The following SLC35F1 variants were observed in gnomAD, a reference collection of about 807,000 sequenced individuals.
SLC35F1 encodes the protein solute carrier family 35 member F1, also known as chromosome 6 open reading frame 169.
Under a neutral mutation model 48.7 loss-of-function variants are expected in SLC35F1, and 14 were observed. That is an observed-to-expected ratio of 0.29 (90% CI 0.19 to 0.45). SLC35F1 has a LOEUF of 0.45. SLC35F1 is among the 20% of genes least tolerant of loss of function. The probability of loss-of-function intolerance (pLI) is 1.00; values close to 1 mark genes in which losing one functional copy is unlikely to be tolerated. For synonymous variants in SLC35F1, 190 were observed against 202.2 expected (o/e 0.94, Z 0.51); for missense variants, 404 against 500.0 (o/e 0.81, Z 1.83).
intron 1 of SLC35F1, among the ~76,000 whole-genome samples, chr6:118,062,482 C>T (rs932637192): frequency 6.6e-6 from 1 of 152,086 alleles, no homozygotes; most frequent in African/African-American, 2.4e-5. Context: ...ATATCCACCC[C>T]CTCAAGCATT....
chr6:118,134,311 T>C (rs1773760767), intron 1 of SLC35F1, among the ~76,000 whole-genome samples: 1 of 152,112 alleles, frequency 6.6e-6, no homozygotes, highest in Non-Finnish European at 1.5e-5. Flanking sequence ...AGTCCATTTA[T>C]CTCATTGCTT....
chr6:118,215,009 A>G (rs1775053668), intron 2 of SLC35F1, among the ~76,000 whole-genome samples: 1 of 152,278 alleles, frequency 6.6e-6, no homozygotes, highest in East Asian at 1.9e-4. Context: ...TCCGTGTCCC[A>G]AGACATTTCT....
intron 7 of SLC35F1, among the ~76,000 whole-genome samples, chr6:118,302,884 A>G (rs540918348): frequency 6.6e-6 from 1 of 152,038 alleles, no homozygotes; most frequent in East Asian, 1.9e-4. Context: ...CCCAGTGCCC[A>G]TACTTCTCCA....
At chr6:118,023,699 G>A (rs1486850906) in intron 1 of SLC35F1, among the ~76,000 whole-genome samples, 2 of 152,042 alleles carry the variant, frequency 1.3e-5, no homozygotes, top group Non-Finnish European at 2.9e-5. Context: ...AGTTGGGTGA[G>A]TTCCCAAGCC....
At chr6:118,290,048 C>T (rs566202546) in intron 7 of SLC35F1, among the ~76,000 whole-genome samples, 1 of 152,258 alleles carries the variant, frequency 6.6e-6, no homozygotes, top group South Asian at 2.1e-4. Context: ...GGCATCCACC[C>T]AGTAGTGAGA....
chr6:118,095,803 A>C (rs1015998327), intron 1 of SLC35F1, among the ~76,000 whole-genome samples: 2 of 152,194 alleles, frequency 1.3e-5, no homozygotes, highest in African/African-American at 4.8e-5. Context: ...GAAAGAAGCA[A>C]CTAGGGAAGA....
chr6:118,218,599 G>A (rs1775105303), intron 2 of SLC35F1, among the ~76,000 whole-genome samples: 1 of 152,230 alleles, frequency 6.6e-6, no homozygotes, highest in East Asian at 1.9e-4. Flanking sequence ...ACTCCTAATT[G>A]GTAATCCAAA....
chr6:117,962,076 C>T (rs1438972877), intron 1 of SLC35F1, among the ~76,000 whole-genome samples: 2 of 152,178 alleles, frequency 1.3e-5, no homozygotes, highest in Admixed American at 6.5e-5. Flanking sequence ...TTTAGTAACT[C>T]TTGTATTATC....
At chr6:118,074,521 A>G (rs1466532007) in intron 1 of SLC35F1, among the ~76,000 whole-genome samples, 1 of 152,158 alleles carries the variant, frequency 6.6e-6, no homozygotes, top group Non-Finnish European at 1.5e-5. Context: ...TTCATTGATG[A>G]TGCGGTTGTA....
chr6:117,950,911 G>A (rs1216595899), intron 1 of SLC35F1, among the ~76,000 whole-genome samples: 2 of 152,068 alleles, frequency 1.3e-5, no homozygotes, highest in African/African-American at 4.8e-5. Context: ...TCATTTCTAA[G>A]AAATGGAAAT....
intron 1 of SLC35F1, among the ~76,000 whole-genome samples, chr6:118,092,498 G>A (rs1393304298): frequency 1.3e-5 from 2 of 152,240 alleles, no homozygotes; most frequent in Non-Finnish European, 2.9e-5. Flanking sequence ...CCCACACAGA[G>A]TCCCCACTGG....
At chr6:117,994,665 T>C (rs952671423) in intron 1 of SLC35F1, among the ~76,000 whole-genome samples, 2 of 152,242 alleles carry the variant, frequency 1.3e-5, no homozygotes, top group South Asian at 4.1e-4. Flanking sequence ...GAATTCAGTC[T>C]GTCTCCAAAG....
intron 3 of SLC35F1, among the ~76,000 whole-genome samples, chr6:118,254,194 G>A (rs547068207): frequency 1.3e-5 from 2 of 152,042 alleles, no homozygotes; most frequent in Non-Finnish European, 2.9e-5. Flanking sequence ...TATTCACGCC[G>A]GTATCCTCTG....
At chr6:117,986,583 C>A (rs1157822709) in intron 1 of SLC35F1, among the ~76,000 whole-genome samples, 1 of 152,200 alleles carries the variant, frequency 6.6e-6, no homozygotes, top group Non-Finnish European at 1.5e-5. Flanking sequence ...AAGCCCTGTT[C>A]CGGATCACCT....
intron 1 of SLC35F1, among the ~76,000 whole-genome samples, chr6:118,098,405 T>G (rs1773208958): frequency 6.6e-6 from 1 of 152,172 alleles, no homozygotes. Flanking sequence ...CAATAATTCC[T>G]TGAGCCAGAA....
Position 118,314,289 on chromosome 6 carries a change from G to T in SLC35F1, c.*37G>T, listed in dbSNP as rs1200967593. 1 of 1,592,534 alleles carries T rather than the reference G, an allele frequency of 6.3e-7. No homozygotes were observed. The highest frequency in any genetic ancestry group is 1.1e-5 in the South Asian group (1 of 90,466). On this transcript the variant is annotated 3_prime_UTR_variant, in exon 8 of 8. Coordinates refer to ENST00000360388, the MANE Select transcript of SLC35F1 (RefSeq NM_001029858.4). ...CCCTGCCAACTGAGGCCAACTCATT[G>T]GCCATGTTTTTGCCCATCATCTCTG...
intron 1 of SLC35F1, among the ~76,000 whole-genome samples, chr6:117,971,758 G>A (rs1776642422): frequency 1.3e-5 from 2 of 152,224 alleles, no homozygotes; most frequent in African/African-American, 4.8e-5. Context: ...GCCCCTTTTA[G>A]CCCTGGCTAG....
At chr6:118,005,350 C>A (rs1195903651) in intron 1 of SLC35F1, among the ~76,000 whole-genome samples, 1 of 152,194 alleles carries the variant, frequency 6.6e-6, no homozygotes, top group East Asian at 1.9e-4. Flanking sequence ...GTCCCTGTTT[C>A]TTTCAATGAA....
At chr6:118,211,118 A>G (rs1774996442) in intron 2 of SLC35F1, among the ~76,000 whole-genome samples, 1 of 152,192 alleles carries the variant, frequency 6.6e-6, no homozygotes, top group South Asian at 2.1e-4. Flanking sequence ...AGAGGCTCAG[A>G]AGAAATCAAC....
Sources: gnomAD v4.1 joint callset for allele counts (sites outside exome capture counted in the v4.1 genomes callset) on GRCh38, gnomAD v4.1.1 for gene constraint, MANE v1.5 for transcripts, NCBI Gene and HGNC (gene_info 2026-07-23, HGNC 2026-07-21) for gene names.